The following ZKSCAN4 variants were observed in gnomAD, a reference collection of about 807,000 sequenced individuals.
ZKSCAN4 encodes the protein zinc finger protein with KRAB and SCAN domains 4.
Under a neutral mutation model 30.8 loss-of-function variants are expected in ZKSCAN4, and 23 were observed. The observed-to-expected ratio is 0.75, with a 90% confidence interval of 0.54 to 1.06. The LOEUF is 1.06. ZKSCAN4 is among the 50% of genes least tolerant of loss of function. ZKSCAN4 has a pLI of 0.00. For synonymous variants in ZKSCAN4, 208 were observed against 252.5 expected (o/e 0.82, Z 1.67); for missense variants, 556 against 665.4 (o/e 0.84, Z 1.81).
At chr6:28,258,641 C>T in the ZKSCAN4 span, among the ~76,000 whole-genome samples, 2 of 151,682 alleles carry the variant, frequency 1.3e-5, no homozygotes, top group African/African-American at 4.8e-5. Flanking sequence ...ATCAACCTGG[C>T]GTGGTGGTGG....
At chr6:28,255,660 G>A (rs565242581), upstream of ZKSCAN4, among the ~76,000 whole-genome samples, 1 of 151,894 alleles carries the variant, frequency 6.6e-6, no homozygotes, top group East Asian at 1.9e-4. Flanking sequence ...CTTGTATAAA[G>A]CCAAATTAGA....
At chr6:28,248,826 C>CAA (rs1208495527) in intron 2 of ZKSCAN4, among the ~76,000 whole-genome samples, 19 of 50,994 alleles carry the variant, frequency 3.7e-4, no homozygotes, top group African/African-American at 9.2e-4. Context: ...ACCCCCATCT[C>CAA]AAAAAAAAAA....
At chr6:28,255,153 A>G (rs777249761), upstream of ZKSCAN4, among the ~76,000 whole-genome samples, 19 of 152,158 alleles carry the variant, frequency 1.2e-4, no homozygotes, top group Admixed American at 5.2e-4. Flanking sequence ...TTGTGACACT[A>G]TTTCAGGATG....
At chr6:28,250,062 G>T (rs1305409252) in intron 1 of ZKSCAN4, among the ~76,000 whole-genome samples, 3 of 150,524 alleles carry the variant, frequency 2.0e-5, no homozygotes, top group Non-Finnish European at 4.4e-5. Context: ...TGTTGTTGTT[G>T]GTTTTTTTGT....
chr6:28,248,708 C>T (rs7740487), intron 2 of ZKSCAN4, among the ~76,000 whole-genome samples: 13 of 151,330 alleles, frequency 8.6e-5, no homozygotes, highest in Admixed American at 7.2e-4. Context: ...TGGGCCTGTG[C>T]TCCCAGCTAC....
At position 28,249,679 on chromosome 6, in the gene ZKSCAN4, A is replaced by G; in HGVS notation, c.571+8T>C. ...TAGAATTCATACAACCCAGAAGAGA[A>G]TACTCACCTCTATCGTGTAAGGGCT... On this transcript the variant is annotated splice_region_variant and intron_variant, in intron 2 of 4. Transcript: ENST00000377294. This position sits in a 1 kb window ranked among gnomAD's most constrained non-coding sequence, Gnocchi z 4.1. 1 of 1,612,900 alleles carries G rather than the reference A, an allele frequency of 6.2e-7. No individual in the cohort carries two copies. Among genetic ancestry groups the G allele is most frequent in the Non-Finnish European group, 8.5e-7 (1 of 1,179,608 alleles).
intron 2 of ZKSCAN4, among the ~76,000 whole-genome samples, chr6:28,248,829 AAAAAAAAAAAAAAAAGAAAAAAG>A (rs1760859889): frequency 7.0e-6 from 1 of 142,564 alleles, no homozygotes; most frequent in Non-Finnish European, 1.5e-5. Context: ...CCCATCTCAA[AAAAAAAAAAAAAAAAGAAAAAAG>A]AAAAAGAAAA....
chr6:28,255,366 C>G (rs1761146772), upstream of ZKSCAN4, among the ~76,000 whole-genome samples: 1 of 152,090 alleles, frequency 6.6e-6, no homozygotes, highest in Non-Finnish European at 1.5e-5. Flanking sequence ...AAATGCATAC[C>G]TAGGAGAGCT....
In ZKSCAN4 at chr6:28,242,403, C is replaced by A. The variant is rs1355898063; in HGVS notation, c.*2713G>T. On this transcript the variant is annotated 3_prime_UTR_variant, in exon 5 of 5. Coordinates refer to ENST00000377294, the MANE Select transcript of ZKSCAN4 (RefSeq NM_019110.5). ...ATTTTATTTGATATTATATAATACA[C>A]CAGATAAAGTTTCCTAGATAATATT... Among the ~76,000 whole-genome samples, 2 of 152,092 alleles carry A rather than the reference C, an allele frequency of 1.3e-5. No homozygotes were observed. Among genetic ancestry groups the A allele is most frequent in the African/African-American group, 2.4e-5 (1 of 41,400 alleles).
At position 28,249,558 on chromosome 6, in the gene ZKSCAN4, G is replaced by T; in HGVS notation, c.571+129C>A. The T allele has an allele frequency of 9.0e-7, 1 of 1,107,832 alleles. No individual in the cohort carries two copies. Among genetic ancestry groups the T allele is most frequent in the Non-Finnish European group, 1.2e-6 (1 of 808,630 alleles). The allele number at this position is 1,107,832 out of a possible 1,614,324, so 68.6% of individuals were successfully genotyped here. On this transcript the variant is annotated intron_variant, in intron 2 of 4. Coordinates refer to ENST00000377294, the MANE Select transcript of ZKSCAN4 (RefSeq NM_019110.5). The surrounding 1 kb of genome is among the most constrained non-coding windows in gnomAD (Gnocchi z 4.1). ...TCACCATTGTTTGAAATTTCTCTTA[G>T]TCTCAGTCTTAAAATACAGCTCTCT...
At chr6:28,255,579 G>C (rs1482329842), upstream of ZKSCAN4, among the ~76,000 whole-genome samples, 2 of 152,090 alleles carry the variant, frequency 1.3e-5, no homozygotes, top group African/African-American at 4.8e-5. Context: ...TGCAAGTCAT[G>C]ACAAGTTAAA....
chr6:28,256,484 T>C (rs1191275562), upstream of ZKSCAN4, among the ~76,000 whole-genome samples: 2 of 152,182 alleles, frequency 1.3e-5, no homozygotes, highest in Non-Finnish European at 2.9e-5. Context: ...AAAAACAATT[T>C]TGAGAAATTT....
At chr6:28,258,409 C>T in the ZKSCAN4 span, among the ~76,000 whole-genome samples, 1 of 152,160 alleles carries the variant, frequency 6.6e-6, no homozygotes, top group South Asian at 2.1e-4. Flanking sequence ...GATAGAAAGA[C>T]ATCTGTCTAC....
upstream of ZKSCAN4, among the ~76,000 whole-genome samples, chr6:28,253,180 G>A (rs952695672): frequency 6.6e-6 from 1 of 152,202 alleles, no homozygotes; most frequent in Non-Finnish European, 1.5e-5. This position sits in a 1 kb window ranked among gnomAD's most constrained non-coding sequence, Gnocchi z 4.2. Flanking sequence ...AAAGCCCTGA[G>A]AATTCTTTGA....
chr6:28,245,000 G>A lies in ZKSCAN4; in HGVS notation c.*116C>T, dbSNP rs768347820. ...AGCCAGACTACATTTTCTAATACCCGATGATGTATAGTGGTAAATAAAGCC... is the reference window on the plus strand; with the variant it reads ...AGCCAGACTACATTTTCTAATACCCAATGATGTATAGTGGTAAATAAAGCC... On this transcript the variant is annotated 3_prime_UTR_variant, in exon 5 of 5. Coordinates refer to ENST00000377294, the MANE Select transcript of ZKSCAN4 (RefSeq NM_019110.5). The A allele has an allele frequency of 7.4e-5, 93 of 1,258,100 alleles. No individual in the cohort carries two copies. Among genetic ancestry groups the A allele is most frequent in the Non-Finnish European group, 1.0e-4 (87 of 862,090 alleles). 77.9% of individuals were successfully genotyped at this position (1,258,100 alleles called of 1,614,324 possible).
Position 28,242,556 on chromosome 6 carries a change from T to C in ZKSCAN4, c.*2560A>G, listed in dbSNP as rs957578916. ...GCTTTATTTACTCAATTGGACAAAG[T>C]TGTTGTGAGTCCATTCAGCTTTCTA... is the stretch of plus-strand genomic sequence containing the variant. On this transcript the variant is annotated 3_prime_UTR_variant, in exon 5 of 5. Transcript: ENST00000377294. 6.6e-6 allele frequency among the ~76,000 whole-genome samples: 1 copy of C among 152,230 alleles called. No homozygotes were observed. The highest frequency in any genetic ancestry group is 1.5e-5 in the Non-Finnish European group (1 of 68,044).
Position 28,251,519 on chromosome 6 carries a change from CAG to C in ZKSCAN4, c.423+37_423+38del. On this transcript the variant is annotated intron_variant, in intron 1 of 4. Transcript: ENST00000377294. The surrounding 1 kb of genome is among the most constrained non-coding windows in gnomAD (Gnocchi z 4.5). Reference sequence around the variant, plus strand: ...TCCGATCTGGGATTTCAGGAGGAAACAGACCACAGCGCTCAGATACTAAACCT... The same window carrying C: ...TCCGATCTGGGATTTCAGGAGGAAACACCACAGCGCTCAGATACTAAACCT... 1 of 1,614,198 alleles carries C rather than the reference CAG, an allele frequency of 6.2e-7. No individual in the cohort carries two copies. The highest frequency in any genetic ancestry group is 8.5e-7 in the Non-Finnish European group (1 of 1,180,034).
chr6:28,247,411 C>T (rs981120798), intron 3 of ZKSCAN4, among the ~76,000 whole-genome samples: 5 of 152,050 alleles, frequency 3.3e-5, no homozygotes, highest in African/African-American at 9.7e-5. Context: ...TATGCTTTGG[C>T]AAAGTGAGAG....
chr6:28,245,136 T>A lies in ZKSCAN4; in HGVS notation c.1618A>T (p.Lys540Ter). The change falls in exon 5 of 5, where the codon AAA (lysine) becomes TAA (stop). Residue 540 changes from lysine (K) to a stop codon, truncating the protein, a stop_gained. Transcript: ENST00000377294. LOFTEE classifies it high-confidence loss of function. ...ATGGGTCACTGTGAAAGAGTTTTTT[T>A]CCCTACATGGCTTCTCTGATGTTGA... is the stretch of plus-strand genomic sequence containing the variant. ...LVQHQRSHVG[K>*]KTLSQ 6.2e-7 allele frequency: 1 copy of A among 1,614,000 alleles called. No individual in the cohort carries two copies. The highest frequency in any genetic ancestry group is 1.1e-5 in the South Asian group (1 of 91,042).
Sources: allele counts gnomAD v4.1 joint callset (sites outside exome capture counted in the v4.1 genomes callset), GRCh38; gene constraint gnomAD v4.1.1; non-coding constraint Gnocchi (gnomAD v3.1); transcripts MANE v1.5; gene names NCBI Gene and HGNC (gene_info 2026-07-23, HGNC 2026-07-21).